IRAK2: variants seen among roughly 807,000 people sequenced by gnomAD.
The protein encoded by IRAK2 is interleukin-1 receptor-associated kinase-like 2.
A neutral mutation model predicts 72.0 loss-of-function variants in IRAK2; 57 were observed. The ratio of observed to expected loss-of-function variants is 0.79; its 90% confidence interval spans 0.64 to 0.99. The LOEUF is 0.99. IRAK2 is among the 50% of genes least tolerant of loss of function. The probability of loss-of-function intolerance (pLI) is 0.00; values close to 1 mark genes in which losing one functional copy is unlikely to be tolerated. For synonymous variants in IRAK2, 293 were observed against 312.7 expected, an observed-to-expected ratio of 0.94 and a Z score of 0.67; for missense variants, 790 against 794.4, an observed-to-expected ratio of 0.99 and a Z score of 0.07.
Position 10,177,963 on chromosome 3 carries a change from CT to C in IRAK2, c.222del (p.Val75TrpfsTer17), listed in dbSNP as rs1559439299. On this transcript the variant is annotated frameshift_variant, in exon 2 of 13. Coordinates refer to ENST00000256458, the MANE Select transcript of IRAK2 (RefSeq NM_001570.4). LOFTEE classifies it high-confidence loss of function. ...CATGCGGCAGGCCACCGTCCAGCAA[CT>C]TGTGGACCTCCTGTGCCGCCTGGAG... Reference protein sequence around the residue: ...WGMRQATVQQLVDLLCRLELY... With the variant: ...WGMRQATVQQXVDLLCRLELY... 6.2e-7 allele frequency: 1 copy of C among 1,613,836 alleles called. No individual in the cohort carries two copies. The highest frequency in any genetic ancestry group is 1.3e-5 in the African/African-American group (1 of 75,060).
At chr3:10,198,420 T>C (rs555772743) in intron 2 of IRAK2, among the ~76,000 whole-genome samples, 1 of 152,278 alleles carries the variant, frequency 6.6e-6, no homozygotes, top group African/African-American at 2.4e-5. Flanking sequence ...CCTGGGGGAA[T>C]TGGGGCTGGT....
intron 1 of IRAK2, among the ~76,000 whole-genome samples, chr3:10,168,279 C>T (rs1038466628): frequency 9.3e-5 from 14 of 150,808 alleles, no homozygotes; most frequent in Non-Finnish European, 1.5e-4. Context: ...GGCATGATCT[C>T]GGCTCGCTGC....
chr3:10,169,404 A>C (rs1696755949), intron 1 of IRAK2, among the ~76,000 whole-genome samples: 2 of 152,164 alleles, frequency 1.3e-5, no homozygotes, highest in Admixed American at 1.3e-4. Flanking sequence ...ACTGCATCAG[A>C]CAGACACCCC....
chr3:10,171,696 G>A (rs1210696681), intron 1 of IRAK2, among the ~76,000 whole-genome samples: 1 of 148,600 alleles, frequency 6.7e-6, no homozygotes. Flanking sequence ...AAGAGTTTGA[G>A]ACCAGCCTCG....
At chr3:10,177,811 A>C in intron 1 of IRAK2, 27 bp from the exon 2 acceptor site, 1 of 1,605,592 alleles carries the variant, frequency 6.2e-7, no homozygotes, top group Non-Finnish European at 8.5e-7. Context: ...CTCTGACTCT[A>C]AGCAGAGTTC....
At chr3:10,197,085 A>T (rs750129313) in intron 2 of IRAK2, among the ~76,000 whole-genome samples, 1 of 152,084 alleles carries the variant, frequency 6.6e-6, no homozygotes, top group South Asian at 2.1e-4. Context: ...AAAACCCCAC[A>T]ATATAAAACA....
chr3:10,165,068 G>C lies in IRAK2; in HGVS notation c.94+20G>C. On this transcript the variant is annotated intron_variant, in intron 1 of 12. Coordinates refer to ENST00000256458, the MANE Select transcript of IRAK2 (RefSeq NM_001570.4). ...AGTTCGGTGAGTGCGGCCCGGGGAG[G>C]GGAGGGGACCAGGGCGACCGGAGCC... 1 of 1,599,890 alleles carries C rather than the reference G, an allele frequency of 6.3e-7. No individual in the cohort carries two copies. Among genetic ancestry groups the C allele is most frequent in the African/African-American group, 1.3e-5 (1 of 74,602 alleles).
intron 10 of IRAK2, 130 bp from the exon 11 acceptor site, chr3:10,234,329 G>C: frequency 1.4e-6 from 1 of 690,366 alleles, no homozygotes. Context: ...TGGAATCCTT[G>C]CATTTATTCT....
At chr3:10,192,892 C>T (rs1697199726) in intron 2 of IRAK2, among the ~76,000 whole-genome samples, 1 of 152,186 alleles carries the variant, frequency 6.6e-6, no homozygotes, top group Non-Finnish European at 1.5e-5. Flanking sequence ...GTACTCCAGC[C>T]TGGGCAACAG....
At chr3:10,187,393 C>T (rs1346846445) in intron 2 of IRAK2, among the ~76,000 whole-genome samples, 1 of 152,158 alleles carries the variant, frequency 6.6e-6, no homozygotes, top group Non-Finnish European at 1.5e-5. Context: ...AAGATTCACC[C>T]TCTGGGTCAG....
rs138127072 is a variant in IRAK2 at position 10,225,722 on chromosome 3, G to A, written c.1210-649G>A. Among the ~76,000 whole-genome samples the A allele has an allele frequency of 2.9e-3, 435 of 149,210 alleles. 2 individuals carry two copies. Among genetic ancestry groups the A allele is most frequent in the African/African-American group, 0.01 (412 of 40,526 alleles). Reference sequence around the variant, plus strand: ...TGGTGTTTTTTTTTTTTTTTGAGACGGAGTCTTGCTCTGTCGCCCAGGCTG... The same window carrying A: ...TGGTGTTTTTTTTTTTTTTTGAGACAGAGTCTTGCTCTGTCGCCCAGGCTG... On this transcript the variant is annotated intron_variant, in intron 9 of 12. Coordinates refer to ENST00000256458, the MANE Select transcript of IRAK2 (RefSeq NM_001570.4).
intron 3 of IRAK2, among the ~76,000 whole-genome samples, chr3:10,206,486 T>G (rs1486315322): frequency 1.3e-5 from 2 of 152,250 alleles, no homozygotes; most frequent in Non-Finnish European, 2.9e-5. Context: ...TGATTTCATG[T>G]TATCAGCTAT....
At chr3:10,194,043 G>T (rs1228919364) in intron 2 of IRAK2, among the ~76,000 whole-genome samples, 2 of 152,278 alleles carry the variant, frequency 1.3e-5, no homozygotes, top group Non-Finnish European at 2.9e-5. Context: ...AGAACTGAAG[G>T]AGGGTGGCTG....
intron 2 of IRAK2, among the ~76,000 whole-genome samples, chr3:10,187,733 A>G (rs552854405): frequency 9.2e-5 from 14 of 152,188 alleles, no homozygotes; most frequent in South Asian, 2.1e-4. Flanking sequence ...TGACCATGGT[A>G]CTCCTTTTCA....
At chr3:10,181,319 A>AG (rs1334139035) in intron 2 of IRAK2, among the ~76,000 whole-genome samples, 2 of 152,054 alleles carry the variant, frequency 1.3e-5, no homozygotes, top group African/African-American at 4.8e-5. Context: ...AAAAAAAAAA[A>AG]TAACCCTTGG....
At chr3:10,170,178 T>G (rs1696773246) in intron 1 of IRAK2, among the ~76,000 whole-genome samples, 1 of 152,160 alleles carries the variant, frequency 6.6e-6, no homozygotes, top group Non-Finnish European at 1.5e-5. Flanking sequence ...CCTTCCTCCA[T>G]CATCAAGGCC....
At chr3:10,206,672 C>T (rs1211889529) in intron 3 of IRAK2, among the ~76,000 whole-genome samples, 1 of 152,094 alleles carries the variant, frequency 6.6e-6, no homozygotes, top group African/African-American at 2.4e-5. Flanking sequence ...TCTTGTGCCT[C>T]AGCCTCCTGA....
chr3:10,188,907 C>T (rs761617321), intron 2 of IRAK2, among the ~76,000 whole-genome samples: 4 of 152,162 alleles, frequency 2.6e-5, no homozygotes, highest in African/African-American at 7.2e-5. Flanking sequence ...GTGATCCACC[C>T]GCCTTGGCCT....
At chr3:10,181,308 T>TAA (rs569896526) in intron 2 of IRAK2, among the ~76,000 whole-genome samples, 2 of 148,518 alleles carry the variant, frequency 1.3e-5, no homozygotes, top group African/African-American at 4.9e-5. Context: ...GACTTTGTGT[T>TAA]AAAAAAAAAA....
Sources: gnomAD v4.1 joint callset for allele counts (sites outside exome capture counted in the v4.1 genomes callset) on GRCh38, gnomAD v4.1.1 for gene constraint, MANE v1.5 for transcripts, NCBI Gene and HGNC (gene_info 2026-07-23, HGNC 2026-07-21) for gene names.